The following NAAA variants were observed in gnomAD, a reference collection of about 807,000 sequenced individuals.
The protein encoded by NAAA is N-acylethanolamine acid amidase, also known as N-acylethanolamine-hydrolyzing acid amidase.
Under a neutral mutation model 44.8 loss-of-function variants are expected in NAAA, and 39 were observed. The ratio of observed to expected loss-of-function variants is 0.87; its 90% CI spans 0.67 to 1.14. The LOEUF (loss-of-function observed/expected upper bound fraction) is 1.14, where lower values mean the gene tolerates loss of function less well. Ranked by LOEUF, NAAA falls within the 50% of genes most tolerant of loss-of-function variation. The pLI, the probability that NAAA is intolerant of heterozygous loss-of-function variation, is 0.00. For synonymous variants in NAAA, 178 were observed against 191.3 expected, an observed-to-expected ratio of 0.93 and a Z score of 0.58; for missense variants, 460 against 467.8, an observed-to-expected ratio of 0.98 and a Z score of 0.15.
intron 2 of NAAA, 147 bp downstream of exon 2, chr4:75,939,854 A>G: frequency 1.2e-6 from 1 of 837,902 alleles, no homozygotes; most frequent in Non-Finnish European, 1.8e-6. Context: ...AGATTTACCC[A>G]GAGAGGCAAA....
At chr4:75,940,356 G>T in intron 1 of NAAA, 191 bp from the exon 2 acceptor site, 1 of 611,200 alleles carries the variant, frequency 1.6e-6, no homozygotes, top group Non-Finnish European at 2.8e-6. Flanking sequence ...GGGGGCGGGG[G>T]GAAGGCGGCG....
chr4:75,932,096 G>A (rs1431296677), intron 3 of NAAA, among the ~76,000 whole-genome samples: 1 of 152,210 alleles, frequency 6.6e-6, no homozygotes, highest in East Asian at 1.9e-4. Flanking sequence ...GGGCGTGGTG[G>A]CACATGCCTG....
chr4:75,927,787 AAAAC>A (rs1726868191), intron 4 of NAAA, among the ~76,000 whole-genome samples: 1 of 136,970 alleles, frequency 7.3e-6, no homozygotes, highest in Admixed American at 7.5e-5. Flanking sequence ...ACTCTGTCTC[AAAAC>A]AAACAAAAAA....
chr4:75,932,348 T>C lies in NAAA; in HGVS notation c.499-1044A>G, dbSNP rs77804518. On this transcript the variant is annotated intron_variant, in intron 3 of 10. Coordinates refer to ENST00000286733, the MANE Select transcript of NAAA (RefSeq NM_014435.4). The stretch of plus-strand genomic sequence containing the variant: ...AAGTGGGACTGTTCACCAATAATAA[T>C]CACATTTAAATTTTAAATATTTAAA... Among the ~76,000 whole-genome samples the C allele has an allele frequency of 1.6e-3, 251 of 152,340 alleles. 7 individuals carry two copies. The East Asian group carries it at 0.043, about 26-fold the overall frequency.
chr4:75,923,333 G>T (rs111339109), intron 5 of NAAA, among the ~76,000 whole-genome samples: 1 of 152,138 alleles, frequency 6.6e-6, no homozygotes, highest in Non-Finnish European at 1.5e-5. Flanking sequence ...AGTGAGGGTA[G>T]AAGAGTCCTT....
intron 2 of NAAA, among the ~76,000 whole-genome samples, chr4:75,939,262 A>G (rs1728001864): frequency 6.6e-6 from 1 of 152,108 alleles, no homozygotes; most frequent in Admixed American, 6.6e-5. Context: ...TTCAGCCACG[A>G]CACACATGAA....
intron 9 of NAAA, among the ~76,000 whole-genome samples, chr4:75,916,240 T>C (rs1229027211): frequency 6.6e-6 from 1 of 152,160 alleles, no homozygotes; most frequent in African/African-American, 2.4e-5. Flanking sequence ...TTTCTTTTTC[T>C]TTTTTTCAGA....
rs73825584 is a variant in NAAA, at chr4:75,936,149, C to T, written c.458G>A (p.Arg153His). 2.9e-3 allele frequency: 4,756 copies of T among 1,613,936 alleles called. 87 individuals are homozygous for T. The African/African-American group carries it at 0.048, about 16-fold the overall frequency. ...NLDYPFGNVL[R>H]KLTVDVQFLK... is the part of the protein sequence containing the mutation. ...GAATTGCACATCCACTGTCAGCTTG[C>T]GTAAGACATTCCCAAAAGGATAATC... Residue 153 changes from arginine (R) to histidine (H), a missense_variant, in exon 3 of 11, where the codon CGC (arginine) becomes CAC (histidine). Transcript: ENST00000286733.
chr4:75,921,783 G>A (rs547856225), intron 5 of NAAA, among the ~76,000 whole-genome samples: 8 of 152,146 alleles, frequency 5.3e-5, no homozygotes, highest in African/African-American at 1.2e-4. Flanking sequence ...GTTCTAGTTC[G>A]ATGGACTAGA....
At chr4:75,925,650 A>T (rs1034006584) in intron 5 of NAAA, 85 bp downstream of exon 5, 1 of 1,326,472 alleles carries the variant, frequency 7.5e-7, no homozygotes, top group Non-Finnish European at 1.1e-6. Flanking sequence ...AGCTCCTTAC[A>T]TTAAAAGCAA....
At chr4:75,937,032 C>A (rs1182953729) in intron 2 of NAAA, among the ~76,000 whole-genome samples, 1 of 152,000 alleles carries the variant, frequency 6.6e-6, no homozygotes, top group Non-Finnish European at 1.5e-5. Flanking sequence ...TGTTTTTTTA[C>A]TTTTCTACAT....
chr4:75,931,362 A>C (rs1727215959), intron 3 of NAAA, 58 bp from the exon 4 acceptor site: 1 of 1,312,802 alleles, frequency 7.6e-7, no homozygotes, highest in Admixed American at 1.7e-5. Flanking sequence ...CACTGAAATC[A>C]CCTGTTCTGC....
intron 7 of NAAA, 52 bp downstream of exon 7, chr4:75,920,686 T>C: frequency 6.2e-7 from 1 of 1,606,306 alleles, no homozygotes; most frequent in Non-Finnish European, 8.5e-7. Context: ...AATGGGCATA[T>C]TCTCCTGACC....
chr4:75,936,708 C>G (rs1316175282), intron 2 of NAAA, among the ~76,000 whole-genome samples: 1 of 152,224 alleles, frequency 6.6e-6, no homozygotes, highest in East Asian at 1.9e-4. Flanking sequence ...TTCATTTTGT[C>G]CCCTTGGGAA....
chr4:75,940,194 AC>A (rs781763845), intron 1 of NAAA, 29 bp from the exon 2 acceptor site: 26 of 1,603,264 alleles, frequency 1.6e-5, no homozygotes, highest in Non-Finnish European at 2.1e-5. Flanking sequence ...AGGGCGTCTG[AC>A]CCGCTCAGAG....
chr4:75,913,151 C>T (rs1481543792), downstream of NAAA, among the ~76,000 whole-genome samples: 3 of 152,010 alleles, frequency 2.0e-5, no homozygotes, highest in East Asian at 1.9e-4. Context: ...TTACTGAGCA[C>T]GAGATAAATG....
intron 8 of NAAA, chr4:75,919,338 G>C (rs532480992): frequency 2.0e-5 from 3 of 151,266 alleles, no homozygotes; most frequent in Non-Finnish European, 4.4e-5. Flanking sequence ...CACCACATCC[G>C]GCCTGACTTT....
At chr4:75,935,547 A>G (rs1319310454) in intron 3 of NAAA, 1 of 152,766 alleles carries the variant, frequency 6.5e-6, no homozygotes, top group Non-Finnish European at 1.5e-5. Context: ...CACTTGCAGA[A>G]TGAAGGACCA....
intron 5 of NAAA, among the ~76,000 whole-genome samples, chr4:75,925,350 A>G (rs1259346298): frequency 6.6e-6 from 1 of 152,088 alleles, no homozygotes; most frequent in Non-Finnish European, 1.5e-5. Flanking sequence ...CATAACTTCT[A>G]AGTTCCAGTT....
Sources: allele counts gnomAD v4.1 joint callset (sites outside exome capture counted in the v4.1 genomes callset), GRCh38; gene constraint gnomAD v4.1.1; transcripts MANE v1.5; gene names NCBI Gene and HGNC (gene_info 2026-07-23, HGNC 2026-07-21).